PLOD2: variants seen among roughly 807,000 people sequenced by gnomAD.
The protein encoded by PLOD2 is lysine hydroxylase 2.
PLOD2 carries 65 observed loss-of-function variants against 101.0 expected under a neutral mutation model. The observed-to-expected ratio is 0.64, with a 90% CI of 0.53 to 0.79. The LOEUF (loss-of-function observed/expected upper bound fraction) is 0.79, where lower values mean the gene tolerates loss of function less well. PLOD2 is among the 30% of genes least tolerant of loss of function. The pLI, the probability that PLOD2 is intolerant of heterozygous loss-of-function variation, is 0.00. For missense variants in PLOD2, 909 were observed against 914.6 expected (o/e 0.99, Z 0.08); for synonymous variants, 314 against 302.9 (o/e 1.04, Z -0.38).
intron 1 of PLOD2, among the ~76,000 whole-genome samples, chr3:146,153,189 G>A (rs534223525): frequency 2.0e-5 from 3 of 152,196 alleles, no homozygotes; most frequent in East Asian, 3.9e-4. Flanking sequence ...TAACAACAGC[G>A]CTCTAAGACT....
chr3:146,127,914 G>A (rs1205037105), intron 1 of PLOD2, among the ~76,000 whole-genome samples: 1 of 152,058 alleles, frequency 6.6e-6, no homozygotes, highest in East Asian at 1.9e-4. Flanking sequence ...ATTGCTTGTG[G>A]GAATGTAAAT....
chr3:146,119,892 G>A (rs763289759), intron 3 of PLOD2, among the ~76,000 whole-genome samples: 6 of 152,102 alleles, frequency 3.9e-5, no homozygotes, highest in Admixed American at 1.3e-4. Context: ...GAATAGTGCC[G>A]CGATAAACAT....
chr3:146,102,355 G>T (rs539040797), intron 7 of PLOD2, among the ~76,000 whole-genome samples: 1 of 152,122 alleles, frequency 6.6e-6, no homozygotes, highest in East Asian at 1.9e-4. Context: ...AAGCTTTCTG[G>T]CCATATTGTA....
chr3:146,160,934 G>C lies in PLOD2; in HGVS notation c.56C>G (p.Pro19Arg), dbSNP rs757420308. The change falls in exon 1 of 20, where the codon CCC becomes CGC. Residue 19 changes from proline to arginine, a missense_variant. Transcript: ENST00000282903. ...GTCCGCACCCAGACAGGGATTCCAGGGGTGGAGGACGAGCGCCAGGAGCAG... is the reference window on the plus strand; with the variant it reads ...GTCCGCACCCAGACAGGGATTCCAGCGGTGGAGGACGAGCGCCAGGAGCAG... ...QLLLLALVLH[P>R]WNPCLGADSE... The C allele has an allele frequency of 1.2e-6, 2 of 1,601,074 alleles. No individual in the cohort carries two copies. The highest frequency in any genetic ancestry group is 1.3e-5 in the African/African-American group (1 of 74,844).
chr3:146,143,193 C>G (rs1454924287), intron 1 of PLOD2, among the ~76,000 whole-genome samples: 3 of 151,756 alleles, frequency 2.0e-5, no homozygotes, highest in Non-Finnish European at 4.4e-5. Context: ...ATTTAGATAA[C>G]ATTACAGACA....
chr3:146,096,036 G>A lies in PLOD2; in HGVS notation c.778-4135C>T, dbSNP rs1409251616. On this transcript the variant is annotated intron_variant, in intron 7 of 19. Coordinates refer to ENST00000282903, the MANE Select transcript of PLOD2 (RefSeq NM_182943.3). ...CGAGTGCCTGCGATTGCAGGCGCGC[G>A]CCGCCACGCCTGACTGGTTTTCGTT... is the stretch of plus-strand genomic sequence containing the variant. Among the ~76,000 whole-genome samples, 69 of 147,214 alleles carry A rather than the reference G, an allele frequency of 4.7e-4. No individual in the cohort carries two copies. The East Asian group carries it at 9.8e-3, about 21-fold the overall frequency.
intron 7 of PLOD2, among the ~76,000 whole-genome samples, chr3:146,097,496 T>G (rs1225435155): frequency 9.1e-6 from 1 of 109,418 alleles, no homozygotes; most frequent in East Asian, 2.6e-4. Flanking sequence ...TCTGTGACCT[T>G]ATCCCCAACC....
intron 9 of PLOD2, among the ~76,000 whole-genome samples, chr3:146,087,353 T>C (rs1306677884): frequency 1.3e-5 from 2 of 151,828 alleles, no homozygotes; most frequent in Non-Finnish European, 2.9e-5. Context: ...AGTTATAAAC[T>C]TAAATAATCA....
chr3:146,144,682 G>T (rs1329875361), intron 1 of PLOD2, among the ~76,000 whole-genome samples: 2 of 151,980 alleles, frequency 1.3e-5, no homozygotes, highest in Non-Finnish European at 2.9e-5. Context: ...TCCCGTGACA[G>T]ATATAAAAAT....
intron 1 of PLOD2, among the ~76,000 whole-genome samples, chr3:146,151,246 C>T (rs2032040905): frequency 2.6e-5 from 4 of 152,118 alleles, no homozygotes; most frequent in Admixed American, 2.6e-4. Flanking sequence ...GCCTGTAATC[C>T]CAGCACTTCA....
intron 7 of PLOD2, among the ~76,000 whole-genome samples, chr3:146,096,609 G>T (rs1342335377): frequency 1.1e-5 from 1 of 93,878 alleles, no homozygotes; most frequent in Non-Finnish European, 2.2e-5. Context: ...GTCTCTGCCC[G>T]GCCGCTCCGT....
chr3:146,151,941 A>T (rs61154334), intron 1 of PLOD2, among the ~76,000 whole-genome samples: 47,601 of 152,132 alleles, frequency 0.31, 7,845 homozygotes, highest in South Asian at 0.41. Context: ...ATTTGCATCT[A>T]AAAATTTACA....
rs546156975 is a variant in PLOD2 at position 146,070,635 on chromosome 3, T to A, written c.*82A>T. The A allele has an allele frequency of 1.2e-4, 111 of 894,948 alleles. No homozygotes were observed. In the African/African-American group the frequency reaches 1.6e-3, roughly 13 times the overall value. The allele number at this position is 894,948 out of a possible 1,614,324, so 55.4% of individuals were successfully genotyped here. ...TGATGTTATTTAAATATTCCTCTCA[T>A]CTTCTCAGCCACAACTTCAAAGACG... On this transcript the variant is annotated 3_prime_UTR_variant, in exon 20 of 20. Transcript: ENST00000282903.
chr3:146,119,844 G>A (rs1163899180), intron 3 of PLOD2, among the ~76,000 whole-genome samples: 2 of 152,116 alleles, frequency 1.3e-5, no homozygotes, highest in African/African-American at 2.4e-5. Context: ...GTCTATCATT[G>A]TTGGACATCT....
chr3:146,119,143 TCTC>T, intron 3 of PLOD2, among the ~76,000 whole-genome samples: 1 of 152,092 alleles, frequency 6.6e-6, no homozygotes, highest in East Asian at 1.9e-4. Context: ...CTAGTGATGT[TCTC>T]ATTATAGAGT....
intron 3 of PLOD2, among the ~76,000 whole-genome samples, chr3:146,112,203 G>A (rs1937667738): frequency 6.6e-6 from 1 of 152,132 alleles, no homozygotes. Context: ...GCACACATAT[G>A]TCTACTGCAG....
At chr3:146,076,545 G>A (rs1178505238) in intron 15 of PLOD2, 5 of 76,810 alleles carry the variant, frequency 6.5e-5, no homozygotes, top group East Asian at 1.7e-4. Context: ...AATTCATTCC[G>A]ACCAACAACG....
chr3:146,092,049 T>C, intron 7 of PLOD2, 148 bp from the exon 8 acceptor site: 1 of 634,288 alleles, frequency 1.6e-6, no homozygotes, highest in South Asian at 1.7e-5. Context: ...AGGTGCACAC[T>C]GAATAGTCTT....
chr3:146,134,649 C>G (rs2031123816), intron 1 of PLOD2, among the ~76,000 whole-genome samples: 1 of 152,172 alleles, frequency 6.6e-6, no homozygotes, highest in African/African-American at 2.4e-5. Flanking sequence ...TTTACACAGA[C>G]ACTAAAAATA....
Sources: allele counts gnomAD v4.1 joint callset (sites outside exome capture counted in the v4.1 genomes callset), GRCh38; gene constraint gnomAD v4.1.1; transcripts MANE v1.5; gene names NCBI Gene and HGNC (gene_info 2026-07-23, HGNC 2026-07-21).